The following NOVA1 variants were observed in gnomAD, a reference collection of about 807,000 sequenced individuals.
NOVA1 encodes RNA-binding protein Nova-1.
In NOVA1, 7 loss-of-function variants were observed where a neutral mutation model predicts 38.0. That is an observed-to-expected ratio of 0.18 (90% CI 0.10 to 0.35). The LOEUF is 0.35. NOVA1 is among the 10% of genes least tolerant of loss of function. The pLI, the probability that NOVA1 is intolerant of heterozygous loss-of-function variation, is 1.00. For missense variants in NOVA1, 460 were observed against 616.0 expected (o/e 0.75, Z 2.68); for synonymous variants, 270 against 232.5 (o/e 1.16, Z -1.47).
At chr14:26,480,668 T>G (rs1231071729) in intron 2 of NOVA1, among the ~76,000 whole-genome samples, 4 of 139,160 alleles carry the variant, frequency 2.9e-5, no homozygotes, top group Non-Finnish European at 4.6e-5. Flanking sequence ...TTTTACATTG[T>G]TTTTTTTTTT....
At chr14:26,497,207 GA>G (rs1886882981) in intron 2 of NOVA1, among the ~76,000 whole-genome samples, 1 of 152,100 alleles carries the variant, frequency 6.6e-6, no homozygotes, top group Non-Finnish European at 1.5e-5. Context: ...TTGCTTCTAA[GA>G]GAATAAAATA....
chr14:26,559,882 TAAAG>T (rs6145277), intron 2 of NOVA1, among the ~76,000 whole-genome samples: 37,576 of 151,824 alleles, frequency 0.25, 5,436 homozygotes, highest in African/African-American at 0.39. Flanking sequence ...ATTTCTAGCA[TAAAG>T]AAAGATAAAT....
At chr14:26,524,084 T>C (rs1233152594) in intron 2 of NOVA1, among the ~76,000 whole-genome samples, 1 of 152,166 alleles carries the variant, frequency 6.6e-6, no homozygotes, top group African/African-American at 2.4e-5. Context: ...TTTAGCTTTG[T>C]GGGCTGGGCA....
intron 3 of NOVA1, among the ~76,000 whole-genome samples, chr14:26,477,626 T>C (rs61990565): frequency 0.041 from 6,263 of 152,178 alleles, 192 homozygotes; most frequent in South Asian, 0.098. Context: ...TGTATTTTAA[T>C]CTATTCTATT....
At chr14:26,537,337 G>A (rs1345336160) in intron 2 of NOVA1, among the ~76,000 whole-genome samples, 1 of 151,840 alleles carries the variant, frequency 6.6e-6, no homozygotes, top group Non-Finnish European at 1.5e-5. Flanking sequence ...ATAAACTTAT[G>A]AGCTATTTTT....
At chr14:26,555,628 T>C (rs1253960609) in intron 2 of NOVA1, among the ~76,000 whole-genome samples, 1 of 152,130 alleles carries the variant, frequency 6.6e-6, no homozygotes, top group African/African-American at 2.4e-5. Context: ...AAGTAAATTT[T>C]AAAGTGTAAG....
intron 2 of NOVA1, among the ~76,000 whole-genome samples, chr14:26,584,293 C>A (rs1335292056): frequency 6.6e-6 from 1 of 151,288 alleles, no homozygotes; most frequent in Non-Finnish European, 1.5e-5. Flanking sequence ...AATTCTATTT[C>A]TATTTCCTAA....
chr14:26,479,378 C>T (rs1885247577), intron 3 of NOVA1: 1 of 151,772 alleles, frequency 6.6e-6, no homozygotes, highest in African/African-American at 2.4e-5. Context: ...AAATTTTTTA[C>T]AAAAAATCTC....
intron 2 of NOVA1, among the ~76,000 whole-genome samples, chr14:26,548,830 A>G (rs1488069152): frequency 6.6e-6 from 1 of 151,636 alleles, no homozygotes; most frequent in Non-Finnish European, 1.5e-5. Flanking sequence ...AATTGAGCAG[A>G]GCACAGTGGC....
chr14:26,541,145 C>T (rs533175627), intron 2 of NOVA1, among the ~76,000 whole-genome samples: 1 of 152,066 alleles, frequency 6.6e-6, no homozygotes, highest in South Asian at 2.1e-4. Context: ...TAGGGAACTT[C>T]TGATTTGGGT....
At chr14:26,585,499 T>C (rs1357718694) in intron 2 of NOVA1, among the ~76,000 whole-genome samples, 1 of 151,270 alleles carries the variant, frequency 6.6e-6, no homozygotes, top group Non-Finnish European at 1.5e-5. Context: ...ACAAAACACT[T>C]AGTAAGCATA....
At chr14:26,579,809 T>C (rs1893099316) in intron 2 of NOVA1, among the ~76,000 whole-genome samples, 1 of 152,178 alleles carries the variant, frequency 6.6e-6, no homozygotes, top group Admixed American at 6.5e-5. Flanking sequence ...AGATCCTTTA[T>C]GGAGGCTGCA....
rs933456859 is a variant in NOVA1 at position 26,467,394 on chromosome 14, C to T, written c.519+4926G>A. Among the ~76,000 whole-genome samples, 7 of 151,960 alleles carry T rather than the reference C, an allele frequency of 4.6e-5. No individual in the cohort carries two copies. The East Asian group carries it at 5.8e-4, about 13-fold the overall frequency. On this transcript the variant is annotated intron_variant, in intron 4 of 4. Coordinates refer to ENST00000539517, the MANE Select transcript of NOVA1 (RefSeq NM_002515.3). ...TTGGCAAAGAGTTTTGGTGGAATGG[C>T]GGAGGCAAAAATTTGACTGAAGTGG...
intron 2 of NOVA1, among the ~76,000 whole-genome samples, chr14:26,548,814 A>AC (rs894031327): frequency 1.3e-5 from 2 of 151,516 alleles, no homozygotes; most frequent in Non-Finnish European, 1.5e-5. Flanking sequence ...GTTAAAGAAA[A>AC]AAAAAAATTG....
intron 2 of NOVA1, among the ~76,000 whole-genome samples, chr14:26,510,432 A>T (rs1391839774): frequency 6.6e-6 from 1 of 152,226 alleles, no homozygotes; most frequent in East Asian, 1.9e-4. Flanking sequence ...ATAATAAACA[A>T]CATGCATAAA....
Position 26,468,310 on chromosome 14 carries a change from TAA to T in NOVA1, c.519+4008_519+4009del, listed in dbSNP as rs58883834. On this transcript the variant is annotated intron_variant, in intron 4 of 4. Coordinates refer to ENST00000539517, the MANE Select transcript of NOVA1 (RefSeq NM_002515.3). ...AGTTGTGGCCCTCAGTCAAACAGGTTAAAAAAAAAAAAAACCCTCACAAAAAT... is the reference window on the plus strand; with the variant it reads ...AGTTGTGGCCCTCAGTCAAACAGGTTAAAAAAAAAAAACCCTCACAAAAAT... 2.2e-3 allele frequency among the ~76,000 whole-genome samples: 322 copies of T among 144,474 alleles called. 1 individual carries two copies. Among genetic ancestry groups the T allele is most frequent in the Middle Eastern group, 3.6e-3 (1 of 274 alleles). 94.8% of individuals were successfully genotyped at this position (144,474 alleles called of 152,430 possible).
rs796961244 is a variant in NOVA1 at position 26,457,229 on chromosome 14, T to C, written c.520-8266A>G. Among the ~76,000 whole-genome samples, 26 of 152,230 alleles carry C rather than the reference T, an allele frequency of 1.7e-4. 1 individual carries two copies. The highest frequency in any genetic ancestry group is 6.3e-4 in the African/African-American group (26 of 41,564). The stretch of plus-strand genomic sequence containing the variant: ...AATTTTGGCACATTTCTGGAATTTA[T>C]TGCACAATTATTTATTGAGTGGCTA... On this transcript the variant is annotated intron_variant, in intron 4 of 4. Coordinates refer to ENST00000539517, the MANE Select transcript of NOVA1 (RefSeq NM_002515.3).
rs1881941109 is a variant in NOVA1, at chr14:26,444,743, G to A, written c.*3216C>T. 6.6e-6 allele frequency: 1 copy of A among 151,940 alleles called. No homozygotes were observed. Among genetic ancestry groups the A allele is most frequent in the Non-Finnish European group, 1.5e-5 (1 of 68,002 alleles). 9.4% of individuals were successfully genotyped at this position (151,940 alleles called of 1,614,324 possible). On this transcript the variant is annotated 3_prime_UTR_variant, in exon 5 of 5. Transcript: ENST00000539517. ...AATAACTGGAAGTGCAGACGAAATTGGTCTTCAGTGCAAAGAGGAAGGCAG... is the reference window on the plus strand; with the variant it reads ...AATAACTGGAAGTGCAGACGAAATTAGTCTTCAGTGCAAAGAGGAAGGCAG...
chr14:26,587,763 T>C (rs1893616253), intron 2 of NOVA1, among the ~76,000 whole-genome samples: 1 of 151,140 alleles, frequency 6.6e-6, no homozygotes, highest in South Asian at 2.1e-4. Context: ...TTTAGCAACA[T>C]AAAAAGAAAA....
Sources: allele counts gnomAD v4.1 joint callset (sites outside exome capture counted in the v4.1 genomes callset), GRCh38; gene constraint gnomAD v4.1.1; transcripts MANE v1.5; gene names NCBI Gene and HGNC (gene_info 2026-07-23, HGNC 2026-07-21).